Variants in NXNL2 observed in about 807,000 individuals in gnomAD.
The protein encoded by NXNL2 is nucleoredoxin-like protein 2.
In NXNL2, 7 loss-of-function variants were observed where a neutral mutation model predicts 11.1. The ratio of observed to expected loss-of-function variants is 0.63; its 90% CI spans 0.36 to 1.18. NXNL2 has a LOEUF of 1.18. NXNL2 is among the 50% of genes most tolerant of loss of function. The pLI is 0.02. For missense variants in NXNL2, 233 were observed against 217.7 expected (o/e 1.07, Z -0.44); for synonymous variants, 109 against 101.8 (o/e 1.07, Z -0.42).
rs1052382689 is a variant in NXNL2, at chr9:88,543,270, C to G, written c.303-1109C>G. Among the ~76,000 whole-genome samples the G allele has an allele frequency of 2.8e-5, 4 of 143,280 alleles. No homozygotes were observed. In the Admixed American group the frequency reaches 2.8e-4, roughly 10 times the overall value. The allele number at this position is 143,280 out of a possible 152,430, so 94.0% of individuals were successfully genotyped here. On this transcript the variant is annotated intron_variant, in intron 1 of 1. Transcript: ENST00000375854. The stretch of plus-strand genomic sequence containing the variant: ...GTATTTAGAACTCATGGAATTTTAA[C>G]TTTTTTTTTTTTTTTCCTTAGAAAT...
At chr9:88,543,835 A>C (rs1829807439) in intron 1 of NXNL2, among the ~76,000 whole-genome samples, 1 of 152,202 alleles carries the variant, frequency 6.6e-6, no homozygotes, top group Admixed American at 6.6e-5. Context: ...CGGAGAGTTC[A>C]CTGCTGCAGG....
At position 88,535,704 on chromosome 9, in the gene NXNL2, G is replaced by T; in HGVS notation, c.270G>T (p.Trp90Cys). The change falls in exon 1 of 2, where the codon TGG becomes TGT. Residue 90 changes from tryptophan to cysteine, a missense_variant. By Grantham distance (215) the Trp-to-Cys change is radical. Transcript: ENST00000375854. ...LDFMRELHGA[W>C]LALPFHDPYR... is the part of the protein sequence containing the mutation. ...TCATGCGCGAGCTGCATGGCGCCTG[G>T]CTGGCGCTGCCCTTCCACGACCCCT... 6.3e-7 allele frequency: 1 copy of T among 1,594,754 alleles called. No homozygotes were observed.
chr9:88,540,200 C>T (rs1466538076), intron 1 of NXNL2, among the ~76,000 whole-genome samples: 3 of 151,808 alleles, frequency 2.0e-5, no homozygotes, highest in African/African-American at 4.8e-5. Context: ...GGCATGGTGG[C>T]GGGCGCCTGT....
Position 88,535,247 on chromosome 9 carries a change from GAA to G in NXNL2, c.-187_-186del. ...TGTCTGAGTGTCTCATTGTCGGCGC[GAA>G]CACAATTGCTCCAGCCACAGGCGAG... is the stretch of plus-strand genomic sequence containing the variant. On this transcript the variant is annotated 5_prime_UTR_variant, in exon 1 of 2. Transcript: ENST00000375854. 1 of 577,150 alleles carries G rather than the reference GAA, an allele frequency of 1.7e-6. No homozygotes were observed. The highest frequency in any genetic ancestry group is 3.0e-6 in the Non-Finnish European group (1 of 334,596). The allele number at this position is 577,150 out of a possible 1,614,324, so 35.8% of individuals were successfully genotyped here. A position where few individuals can be genotyped will look rare whatever the true frequency, so the allele number is the denominator to read the frequency against.
chr9:88,565,027 C>G (rs1183148751), intron 1 of NXNL2, among the ~76,000 whole-genome samples: 1 of 152,122 alleles, frequency 6.6e-6, no homozygotes, highest in African/African-American at 2.4e-5. Context: ...ATTTTCTCCT[C>G]CCCCAGCCTC....
chr9:88,566,907 C>CTTCTATCT (rs1554706772), intron 1 of NXNL2, among the ~76,000 whole-genome samples: 2 of 151,838 alleles, frequency 1.3e-5, no homozygotes, highest in African/African-American at 4.8e-5. Flanking sequence ...ATCTATCTAT[C>CTTCTATCT]ATCTATCTAT....
intron 1 of NXNL2, chr9:88,538,400 G>A (rs1024077636): frequency 2.0e-5 from 3 of 152,246 alleles, no homozygotes; most frequent in African/African-American, 7.2e-5. Context: ...AAGGTTATGG[G>A]CTGGCTTTAA....
Position 88,544,397 on chromosome 9 carries a change from C to T in NXNL2, c.321C>T (p.Tyr107=). Residue 107 remains tyrosine (Y), a synonymous_variant, in exon 2 of 2, where the codon TAC becomes TAT. Transcript: ENST00000375854. ...DPYRHELRKR[Y]NVTAIPKLVI... ...CCTGCAGTGAGCTGAGGAAGAGGTA[C>T]AACGTCACAGCCATCCCCAAGCTTG... 6.4e-7 allele frequency: 1 copy of T among 1,551,856 alleles called. No individual in the cohort carries two copies. Among genetic ancestry groups the T allele is most frequent in the South Asian group, 1.2e-5 (1 of 84,062 alleles).
At chr9:88,542,565 G>A (rs916249599) in intron 1 of NXNL2, among the ~76,000 whole-genome samples, 1 of 152,112 alleles carries the variant, frequency 6.6e-6, no homozygotes, top group Non-Finnish European at 1.5e-5. Context: ...TGGGATTACA[G>A]GCATGTGCCA....
downstream of NXNL2, among the ~76,000 whole-genome samples, chr9:88,576,290 G>A (rs1830347650): frequency 1.3e-5 from 2 of 152,346 alleles, no homozygotes; most frequent in Admixed American, 6.5e-5. Context: ...TGAACCCACA[G>A]CGATGGACCT....
chr9:88,572,698 AATGACGG>A (rs1423703006), intron 2 of NXNL2, among the ~76,000 whole-genome samples: 1 of 152,166 alleles, frequency 6.6e-6, no homozygotes, highest in Non-Finnish European at 1.5e-5. Flanking sequence ...GCCTCGCTTT[AATGACGG>A]ACACCTTAGC....
intron 1 of NXNL2, among the ~76,000 whole-genome samples, chr9:88,561,408 C>CT (rs991903848): frequency 5.9e-5 from 9 of 152,152 alleles, no homozygotes; most frequent in Non-Finnish European, 1.3e-4. Context: ...ATAAACTCCT[C>CT]TTTATCTATC....
chr9:88,539,361 A>ACTG (rs146160350), intron 1 of NXNL2, among the ~76,000 whole-genome samples: 6 of 151,760 alleles, frequency 4.0e-5, no homozygotes, highest in Admixed American at 1.3e-4. Context: ...TAGGTGAGAT[A>ACTG]CTGCTGCTGC....
chr9:88,552,019 C>A (rs1829938586), intron 1 of NXNL2, among the ~76,000 whole-genome samples: 1 of 152,164 alleles, frequency 6.6e-6, no homozygotes, highest in African/African-American at 2.4e-5. Flanking sequence ...GGAGATCAAA[C>A]CACTTTGTAA....
At chr9:88,548,823 G>A (rs1292062394), downstream of NXNL2, among the ~76,000 whole-genome samples, 1 of 152,186 alleles carries the variant, frequency 6.6e-6, no homozygotes, top group Non-Finnish European at 1.5e-5. Context: ...GGTGATGGTG[G>A]TGTTAGGAGG....
intron 1 of NXNL2, among the ~76,000 whole-genome samples, chr9:88,564,884 A>G (rs578039241): frequency 6.6e-6 from 1 of 152,328 alleles, no homozygotes; most frequent in South Asian, 2.1e-4. Context: ...GACTTCACAT[A>G]AGATCTCTCT....
At chr9:88,546,148 CGT>C (rs747134247), downstream of NXNL2, among the ~76,000 whole-genome samples, 8,498 of 147,090 alleles carry the variant, frequency 0.058, 464 homozygotes, top group African/African-American at 0.14. Flanking sequence ...ACTGAGTGTT[CGT>C]GTGTGTGTGT....
Position 88,544,971 on chromosome 9 carries a change from TA to T in NXNL2, c.*426del. On this transcript the variant is annotated 3_prime_UTR_variant, in exon 2 of 2. Transcript: ENST00000375854. ...AATAAAGTTTGCAAGCTGTGTACTT[TA>T]ATAAACAAGTCTATTGCCTTCTTTC... 1.2e-6 allele frequency: 1 copy of T among 864,700 alleles called. No individual in the cohort carries two copies. Among genetic ancestry groups the T allele is most frequent in the South Asian group, 5.3e-5 (1 of 18,822 alleles). 53.6% of individuals were successfully genotyped at this position (864,700 alleles called of 1,614,324 possible).
At chr9:88,535,920 A>G (rs966226326) in intron 1 of NXNL2, among the ~76,000 whole-genome samples, 184 bp downstream of exon 1, 2 of 151,332 alleles carry the variant, frequency 1.3e-5, no homozygotes, top group Admixed American at 1.3e-4. Context: ...CTTGGAGACC[A>G]GGGAGGGTGC....
Sources: gnomAD v4.1 joint callset for allele counts (sites outside exome capture counted in the v4.1 genomes callset) on GRCh38, gnomAD v4.1.1 for gene constraint, MANE v1.5 for transcripts, NCBI Gene and HGNC (gene_info 2026-07-23, HGNC 2026-07-21) for gene names.